Variants in TRIM10 observed in about 807,000 individuals in gnomAD.
The protein encoded by TRIM10 is tripartite motif-containing protein 10.
In TRIM10, 42 loss-of-function variants were observed where a neutral mutation model predicts 40.0. That is an observed-to-expected ratio of 1.05 (90% CI 0.82 to 1.36). The LOEUF (loss-of-function observed/expected upper bound fraction) is 1.36, where lower values mean the gene tolerates loss of function less well. Ranked by LOEUF, TRIM10 falls within the 40% of genes most tolerant of loss-of-function variation. The pLI is 0.00. For synonymous variants in TRIM10, 260 were observed against 239.5 expected (o/e 1.09, Z -0.79); for missense variants, 601 against 608.3 (o/e 0.99, Z 0.13).
Position 30,152,391 on chromosome 6 carries a change from T to C in TRIM10, c.*1578A>G, listed in dbSNP as rs1772095966. 6.6e-6 allele frequency: 1 copy of C among 152,272 alleles called. No homozygotes were observed. The highest frequency in any genetic ancestry group is 1.5e-5 in the Non-Finnish European group (1 of 68,054). The allele number at this position is 152,272 out of a possible 1,614,324, so 9.4% of individuals were successfully genotyped here. ...ATCACAGGTTTGGGTGCTTTGGATA[T>C]GTTTTATCATTATATAGGCACTTGT... On this transcript the variant is annotated 3_prime_UTR_variant, in exon 7 of 7. Coordinates refer to ENST00000449742, the MANE Select transcript of TRIM10 (RefSeq NM_006778.4).
rs1317983776 is a variant in TRIM10 at position 30,152,329 on chromosome 6, A to C, written c.*1640T>G. ...CCTTTCAAAAGACACAGCTAAAGCCAATAAAAATAAACAAAAATAGGATCT... is the reference window on the plus strand; with the variant it reads ...CCTTTCAAAAGACACAGCTAAAGCCCATAAAAATAAACAAAAATAGGATCT... On this transcript the variant is annotated 3_prime_UTR_variant, in exon 7 of 7. Transcript: ENST00000449742. 1 of 144,304 alleles carries C rather than the reference A, an allele frequency of 6.9e-6. No homozygotes were observed. The highest frequency in any genetic ancestry group is 1.6e-5 in the Non-Finnish European group (1 of 63,934). The allele number at this position is 144,304 out of a possible 1,614,324, so 8.9% of individuals were successfully genotyped here.
At position 30,161,141 on chromosome 6, in the gene TRIM10, C is replaced by A. The variant is rs966209813; in HGVS notation, c.-283G>T. Among the ~76,000 whole-genome samples the A allele has an allele frequency of 6.6e-6, 1 of 152,150 alleles. No individual in the cohort carries two copies. Among genetic ancestry groups the A allele is most frequent in the Non-Finnish European group, 1.5e-5 (1 of 68,028 alleles). Reference sequence around the variant, plus strand: ...TGACCATAACCAGGGGCTGGCCATTCCTTTCTGCCCATCCAGAGACACTCA... The same window carrying A: ...TGACCATAACCAGGGGCTGGCCATTACTTTCTGCCCATCCAGAGACACTCA... On this transcript the variant is annotated 5_prime_UTR_variant, in exon 1 of 7. An upstream open reading frame in the 5' UTR gains an earlier in-frame stop. Transcript: ENST00000449742.
chr6:30,155,751 A>G lies in TRIM10; in HGVS notation c.904T>C (p.Cys302Arg), dbSNP rs1261649981. The G allele has an allele frequency of 6.2e-7, 1 of 1,613,476 alleles. No homozygotes were observed. Among genetic ancestry groups the G allele is most frequent in the East Asian group, 2.2e-5 (1 of 44,888 alleles). ...REMKMFLEKLCFELDYEPAHI... is the reference protein window; with the variant it reads ...REMKMFLEKLRFELDYEPAHI... ...CCTGGCTCATAGTCCAACTCAAAGCATAGTTTTTCTGTAAAGAAAATAAAC... is the reference window on the plus strand; with the variant it reads ...CCTGGCTCATAGTCCAACTCAAAGCGTAGTTTTTCTGTAAAGAAAATAAAC... Residue 302 changes from cysteine to arginine, a missense_variant, in exon 6 of 7, where the codon TGC becomes CGC. Coordinates refer to ENST00000449742, the MANE Select transcript of TRIM10 (RefSeq NM_006778.4).
At chr6:30,158,661 G>C (rs773214911) in intron 2 of TRIM10, 32 bp from the exon 3 acceptor site, 3 of 1,583,376 alleles carry the variant, frequency 1.9e-6, no homozygotes, top group Non-Finnish European at 2.6e-6. Context: ...CCAAGAGAAA[G>C]TTTGCTTCCT....
rs1356853766 is a variant in TRIM10, at chr6:30,153,560, C to T, written c.*409G>A. 4.8e-6 allele frequency: 4 copies of T among 829,436 alleles called. No individual in the cohort carries two copies. Among genetic ancestry groups the T allele is most frequent in the Non-Finnish European group, 7.8e-6 (4 of 511,306 alleles). The allele number at this position is 829,436 out of a possible 1,614,324, so 51.4% of individuals were successfully genotyped here. A position where few individuals can be genotyped will look rare whatever the true frequency, so the allele number is the denominator to read the frequency against. ...TAAATGGTTCTAGAGAATGTGATTA[C>T]ATGAACTCTAACATTATTGGAAGAA... is the stretch of plus-strand genomic sequence containing the variant. On this transcript the variant is annotated 3_prime_UTR_variant, in exon 7 of 7. Coordinates refer to ENST00000449742, the MANE Select transcript of TRIM10 (RefSeq NM_006778.4).
intron 6 of TRIM10, among the ~76,000 whole-genome samples, chr6:30,155,058 C>T (rs547477277): frequency 3.1e-4 from 47 of 152,246 alleles, no homozygotes; most frequent in African/African-American, 1.0e-3. Context: ...CACTTTTTAC[C>T]ACCAAAAACT....
At chr6:30,161,343 A>G (rs144639183), upstream of TRIM10, among the ~76,000 whole-genome samples, 62 of 152,316 alleles carry the variant, frequency 4.1e-4, no homozygotes, top group East Asian at 0.011. Flanking sequence ...CCCATCAGCA[A>G]GCAGGAGAGT....
chr6:30,163,915 G>C, upstream of TRIM10: 5 of 1,613,110 alleles, frequency 3.1e-6, no homozygotes, highest in Non-Finnish European at 4.2e-6. Flanking sequence ...CCCTGGGCCC[G>C]CTGGGAGAAA....
upstream of TRIM10, chr6:30,163,614 C>T: frequency 6.6e-7 from 1 of 1,518,054 alleles, no homozygotes; most frequent in South Asian, 1.3e-5. Context: ...GTAAGTGTGA[C>T]TCGATTTCAG....
At chr6:30,157,987 T>C (rs1363833047) in intron 3 of TRIM10, among the ~76,000 whole-genome samples, 1 of 152,158 alleles carries the variant, frequency 6.6e-6, no homozygotes, top group Non-Finnish European at 1.5e-5. Context: ...GGGACCCCAA[T>C]ACCTCTCCTC....
chr6:30,157,149 A>G (rs1389633489), intron 4 of TRIM10, 95 bp from the exon 5 acceptor site: 1 of 1,297,238 alleles, frequency 7.7e-7, no homozygotes, highest in East Asian at 2.3e-5. Flanking sequence ...TGATGGCGCT[A>G]GTTCCTGCAG....
chr6:30,157,839 G>A (rs996233487), intron 3 of TRIM10, among the ~76,000 whole-genome samples: 1 of 151,966 alleles, frequency 6.6e-6, no homozygotes, highest in African/African-American at 2.4e-5. Context: ...AGAGCCCAAA[G>A]CCTTTATTTT....
At chr6:30,157,219 C>T in intron 4 of TRIM10, 150 bp downstream of exon 4, 2 of 1,080,134 alleles carry the variant, frequency 1.9e-6, no homozygotes, top group Non-Finnish European at 2.7e-6. Flanking sequence ...TATGGATATA[C>T]CTGAGAAGGC....
chr6:30,159,267 T>C (rs761663979), intron 1 of TRIM10, 22 bp from the exon 2 acceptor site: 1 of 1,504,786 alleles, frequency 6.6e-7, no homozygotes, highest in Non-Finnish European at 9.2e-7. Context: ...GAACATAAAA[T>C]ACTCAAGATG....
upstream of TRIM10, among the ~76,000 whole-genome samples, chr6:30,161,763 C>T (rs773922604): frequency 2.6e-5 from 4 of 152,102 alleles, no homozygotes; most frequent in East Asian, 1.9e-4. Flanking sequence ...ATCTGTCTTC[C>T]GAGCAATGCT....
chr6:30,153,688 C>T lies in TRIM10; in HGVS notation c.*281G>A, dbSNP rs9468694. On this transcript the variant is annotated 3_prime_UTR_variant, in exon 7 of 7. Coordinates refer to ENST00000449742, the MANE Select transcript of TRIM10 (RefSeq NM_006778.4). ...TCTGACTTCAAATCCAGTGCCCTTT[C>T]TATGCAGCTACTTCTGTGCCAAGCA... 3.0e-3 allele frequency: 4,772 copies of T among 1,611,314 alleles called. 123 individuals carry two copies. The African/African-American group carries it at 0.053, about 18-fold the overall frequency.
chr6:30,155,321 G>C (rs1047136210), intron 6 of TRIM10, among the ~76,000 whole-genome samples: 4 of 152,234 alleles, frequency 2.6e-5, no homozygotes, highest in East Asian at 3.9e-4. Flanking sequence ...ACGTTCTAAA[G>C]AGGTGATTAT....
chr6:30,162,371 C>T (rs1486143348), upstream of TRIM10, among the ~76,000 whole-genome samples: 1 of 151,410 alleles, frequency 6.6e-6, no homozygotes, highest in Non-Finnish European at 1.5e-5. Flanking sequence ...GCCATTCAGA[C>T]CGGCCACATT....
rs777681942 is a variant in TRIM10 at position 30,156,967 on chromosome 6, C to A, written c.867G>T (p.Pro289=). The change falls in exon 5 of 7, where the codon CCG becomes CCT. Residue 289 remains proline (P), a synonymous_variant. Transcript: ENST00000449742. ...GAAACATCTTCATCTCCCTCTGCAG[C>A]GGGAGGGCCTGCTGGGGAAAGTCCC... ...RIRDFPQQAL[P]LQREMKMFLE... The A allele has an allele frequency of 5.0e-6, 8 of 1,612,900 alleles. No homozygotes were observed. Among genetic ancestry groups the A allele is most frequent in the African/African-American group, 1.3e-5 (1 of 74,932 alleles).
Sources: gnomAD v4.1 joint callset for allele counts (sites outside exome capture counted in the v4.1 genomes callset) on GRCh38, gnomAD v4.1.1 for gene constraint, MANE v1.5 for transcripts, NCBI Gene and HGNC (gene_info 2026-07-23, HGNC 2026-07-21) for gene names.